TFEB: variants seen among roughly 807,000 people sequenced by gnomAD.
TFEB encodes T-cell transcription factor EB.
A neutral mutation model predicts 48.0 loss-of-function variants in TFEB; 12 were observed. The ratio of observed to expected loss-of-function variants is 0.25; its 90% CI spans 0.16 to 0.40. The LOEUF (loss-of-function observed/expected upper bound fraction) is 0.40, where lower values mean the gene tolerates loss of function less well. TFEB is among the 10% of genes least tolerant of loss of function. The pLI is 1.00. For synonymous variants in TFEB, 244 were observed against 261.4 expected (o/e 0.93, Z 0.64); for missense variants, 509 against 640.3 (o/e 0.79, Z 2.21).
In TFEB at chr6:41,734,949, G is replaced by C. The variant is rs539360190; in HGVS notation, c.-23+401C>G. The C allele has an allele frequency of 1.1e-3, 1,065 of 985,436 alleles. 12 individuals carry two copies. In the African/African-American group the frequency reaches 0.017, roughly 16 times the overall value. 61.0% of individuals were successfully genotyped at this position (985,436 alleles called of 1,614,324 possible). A position where few individuals can be genotyped will look rare whatever the true frequency, so the allele number is the denominator to read the frequency against. The stretch of plus-strand genomic sequence containing the variant: ...CGGCCCCAGCCGTGTCCGGTGGAGG[G>C]GGAGTGGGCGCGGGGCCCGCGCGTC... On this transcript the variant is annotated intron_variant, in intron 1 of 8. Transcript: ENST00000373033. The surrounding 1 kb of genome is among the most constrained non-coding windows in gnomAD (Gnocchi z 4.0).
rs6930504 is a variant in TFEB, at chr6:41,709,144, T to A, written c.-22-17909A>T. Among the ~76,000 whole-genome samples, 577 of 152,150 alleles carry A rather than the reference T, an allele frequency of 3.8e-3. 5 individuals are homozygous for A. The highest frequency in any genetic ancestry group is 0.013 in the African/African-American group (549 of 41,480). ...CAGCATTCCAGAACCTTGGCATGCC[T>A]GTTCATTCAATAACACAGCTATTAT... On this transcript the variant is annotated intron_variant, in intron 1 of 8. Coordinates refer to ENST00000373033, the MANE Select transcript of TFEB (RefSeq NM_001271944.2).
chr6:41,685,021 T>C lies in TFEB; in HGVS notation c.1009A>G (p.Asn337Asp). The C allele has an allele frequency of 1.3e-6, 2 of 1,514,392 alleles. No homozygotes were observed. Among genetic ancestry groups the C allele is most frequent in the Admixed American group, 2.3e-5 (1 of 44,416 alleles). 93.8% of individuals were successfully genotyped at this position (1,514,392 alleles called of 1,614,324 possible). ...GLPTTSPSGM[N>D]MAELAQQVVK... ...ACCTGCTGGGCCAGCTCAGCCATGT[T>C]CATGCCGGACGGGGAGGTGGTAGGG... The change falls in exon 9 of 9, where the codon AAC becomes GAC. Residue 337 changes from asparagine (N) to aspartate (D), a missense_variant. Transcript: ENST00000373033.
At position 41,690,814 on chromosome 6, in the gene TFEB, G is replaced by A. The variant is rs1271467021; in HGVS notation, c.317C>T (p.Ala106Val). 6.2e-7 allele frequency: 1 copy of A among 1,613,292 alleles called. No individual in the cohort carries two copies. The highest frequency in any genetic ancestry group is 8.5e-7 in the Non-Finnish European group (1 of 1,179,652). Reference sequence around the variant, plus strand: ...AGAGCCCTGGGCTGGGCTGATGTGGGCAGCAAACTTGTTCCCATAGGTCTC... The same window carrying A: ...AGAGCCCTGGGCTGGGCTGATGTGGACAGCAAACTTGTTCCCATAGGTCTC... Reference protein sequence around the residue: ...LSETYGNKFAAHISPAQGSPK... With the variant: ...LSETYGNKFAVHISPAQGSPK... The change falls in exon 3 of 9, where the codon GCC (alanine) becomes GTC (valine). Residue 106 changes from alanine (A) to valine (V), a missense_variant. Coordinates refer to ENST00000373033, the MANE Select transcript of TFEB (RefSeq NM_001271944.2).
At chr6:41,699,998 T>TC (rs1325591557) in intron 1 of TFEB, among the ~76,000 whole-genome samples, 1 of 152,126 alleles carries the variant, frequency 6.6e-6, no homozygotes, top group Non-Finnish European at 1.5e-5. Flanking sequence ...CCTGGCAGGT[T>TC]CCCTCCGGGA....
rs573812743 is a variant in TFEB, at chr6:41,723,042, G to A, written c.-23+12308C>T. Reference sequence around the variant, plus strand: ...AGAGCATATGCTCCCAGCCCCTAATGTAAATGGGTATTCACTGTGGCCTGG... The same window carrying A: ...AGAGCATATGCTCCCAGCCCCTAATATAAATGGGTATTCACTGTGGCCTGG... On this transcript the variant is annotated intron_variant, in intron 1 of 8. Transcript: ENST00000373033. The surrounding 1 kb of genome is among the most constrained non-coding windows in gnomAD (Gnocchi z 6.0). Among the ~76,000 whole-genome samples the A allele has an allele frequency of 3.3e-5, 5 of 152,268 alleles. No homozygotes were observed. Among genetic ancestry groups the A allele is most frequent in the Admixed American group, 2.6e-4 (4 of 15,300 alleles).
intron 7 of TFEB, chr6:41,686,849 C>T (rs1214523353): frequency 1.8e-6 from 1 of 555,782 alleles, no homozygotes; most frequent in Admixed American, 3.1e-5. Flanking sequence ...ACTTTCTCAG[C>T]ATGACTGCTC....
chr6:41,692,524 T>C (rs887927828), intron 1 of TFEB, among the ~76,000 whole-genome samples: 7 of 152,142 alleles, frequency 4.6e-5, no homozygotes, highest in African/African-American at 1.2e-4. Context: ...CCTACAGGTC[T>C]CAGTGGGACA....
intron 1 of TFEB, among the ~76,000 whole-genome samples, chr6:41,706,483 A>G (rs1191182981): frequency 1.3e-5 from 2 of 151,564 alleles, no homozygotes; most frequent in Non-Finnish European, 2.9e-5. Context: ...ACACACACCT[A>G]CACCCACCCC....
chr6:41,698,788 G>C (rs768151812), intron 1 of TFEB, among the ~76,000 whole-genome samples: 8 of 152,186 alleles, frequency 5.3e-5, no homozygotes, highest in Non-Finnish European at 1.0e-4. Context: ...TTTCAGCCTA[G>C]GGAAGGGAAG....
At chr6:41,729,701 C>T (rs973953797) in intron 1 of TFEB, among the ~76,000 whole-genome samples, 3 of 152,222 alleles carry the variant, frequency 2.0e-5, no homozygotes, top group African/African-American at 4.8e-5. Context: ...GCTGCAAGGC[C>T]GAACAGTGGA....
chr6:41,723,760 G>T lies in TFEB; in HGVS notation c.-23+11590C>A, dbSNP rs1367682065. 2.7e-6 allele frequency: 1 copy of T among 370,880 alleles called. No individual in the cohort carries two copies. 23.0% of individuals were successfully genotyped at this position (370,880 alleles called of 1,614,324 possible). ...TTCAATCTCACCCGCCCGGCTCCAG[G>T]CGCCCACAGCGCTCCTTGGTCCTCC... is the stretch of plus-strand genomic sequence containing the variant. On this transcript the variant is annotated intron_variant, in intron 1 of 8. Coordinates refer to ENST00000373033, the MANE Select transcript of TFEB (RefSeq NM_001271944.2). This position sits in a 1 kb window ranked among gnomAD's most constrained non-coding sequence, Gnocchi z 6.0.
At chr6:41,733,725 C>T in intron 1 of TFEB, 1 of 985,476 alleles carries the variant, frequency 1.0e-6, no homozygotes, top group African/African-American at 1.7e-5. Flanking sequence ...GCCTCTGCCT[C>T]TCCTGGCCGG....
intron 8 of TFEB, 142 bp from the exon 9 acceptor site, chr6:41,685,220 G>T: frequency 8.7e-7 from 1 of 1,146,538 alleles, no homozygotes; most frequent in Non-Finnish European, 1.1e-6. Flanking sequence ...AGAAAGCATA[G>T]GGTAGCTCTA....
chr6:41,716,969 G>A (rs1423080213), intron 1 of TFEB, among the ~76,000 whole-genome samples: 2 of 152,154 alleles, frequency 1.3e-5, no homozygotes, highest in African/African-American at 4.8e-5. Flanking sequence ...CACAAGCCAG[G>A]TGACCGGCCA....
At position 41,723,179 on chromosome 6, in the gene TFEB, C is replaced by T. The variant is rs866861193; in HGVS notation, c.-23+12171G>A. Among the ~76,000 whole-genome samples, 13 of 152,248 alleles carry T rather than the reference C, an allele frequency of 8.5e-5. No individual in the cohort carries two copies. Among genetic ancestry groups the T allele is most frequent in the South Asian group, 6.2e-4 (3 of 4,826 alleles). On this transcript the variant is annotated intron_variant, in intron 1 of 8. Transcript: ENST00000373033. This position sits in a 1 kb window ranked among gnomAD's most constrained non-coding sequence, Gnocchi z 6.0. ...ACTCTGGCTGACTCCTGATTTCCCA[C>T]GCTGTCCAACCTGCACTCCAGAGCT... is the stretch of plus-strand genomic sequence containing the variant.
intron 1 of TFEB, among the ~76,000 whole-genome samples, chr6:41,729,051 T>C (rs1335488275): frequency 6.6e-6 from 1 of 152,020 alleles, no homozygotes; most frequent in Non-Finnish European, 1.5e-5. Context: ...CCCAGTCACC[T>C]GAGGACTGGC....
At chr6:41,697,120 C>T (rs1471590185) in intron 1 of TFEB, among the ~76,000 whole-genome samples, 1 of 152,038 alleles carries the variant, frequency 6.6e-6, no homozygotes, top group Non-Finnish European at 1.5e-5. Flanking sequence ...AGAATGAGGG[C>T]AGACCAGCCT....
rs1769198975 is a variant in TFEB at position 41,689,779 on chromosome 6, C to T, written c.501G>A (p.Leu167=). 1.2e-6 allele frequency: 2 copies of T among 1,614,136 alleles called. No individual in the cohort carries two copies. The highest frequency in any genetic ancestry group is 2.7e-5 in the African/African-American group (2 of 75,044). The change falls in exon 4 of 9, where the codon CTG becomes CTA. Residue 167 remains leucine (L), a synonymous_variant. Transcript: ENST00000373033. ...GATTGATGTAGCCAAGGACATCGTC[C>T]AGACGCATAATGTTGTCAATGACAT... The part of the protein sequence containing the change: ...LDDVIDNIMR[L]DDVLGYINPE...
At chr6:41,727,518 C>G (rs1474498099) in intron 1 of TFEB, among the ~76,000 whole-genome samples, 1 of 152,166 alleles carries the variant, frequency 6.6e-6, no homozygotes, top group Non-Finnish European at 1.5e-5. Context: ...TGGTGAGATC[C>G]CATCTCTACA....
Sources: allele counts gnomAD v4.1 joint callset (sites outside exome capture counted in the v4.1 genomes callset), GRCh38; gene constraint gnomAD v4.1.1; non-coding constraint Gnocchi (gnomAD v3.1); transcripts MANE v1.5; gene names NCBI Gene and HGNC (gene_info 2026-07-23, HGNC 2026-07-21).